Variants in IQCH observed in about 807,000 individuals in gnomAD.
IQCH encodes IQ motif containing H, also known as IQ domain-containing protein H.
IQCH carries 98 observed loss-of-function variants against 117.0 expected under a neutral mutation model. The observed-to-expected ratio is 0.84, with a 90% CI of 0.71 to 0.99. The LOEUF is 0.99. Ranked by LOEUF, IQCH falls within the 50% of genes least tolerant of loss-of-function variation. The probability of loss-of-function intolerance (pLI) is 0.00; values close to 1 mark genes in which losing one functional copy is unlikely to be tolerated. For missense variants in IQCH, 1,102 were observed against 1,243.8 expected, an observed-to-expected ratio of 0.89 and a Z score of 1.72; for synonymous variants, 412 against 448.2, an observed-to-expected ratio of 0.92 and a Z score of 1.02.
At position 67,475,826 on chromosome 15, in the gene IQCH, G is replaced by A. The variant is rs756521823; in HGVS notation, c.2799+8G>A. 1.2e-6 allele frequency: 2 copies of A among 1,613,222 alleles called. No individual in the cohort carries two copies. Among genetic ancestry groups the A allele is most frequent in the East Asian group, 2.2e-5 (1 of 44,876 alleles). On this transcript the variant is annotated splice_region_variant and intron_variant, in intron 18 of 20. Transcript: ENST00000335894. This position sits in a 1 kb window ranked among gnomAD's most constrained non-coding sequence, Gnocchi z 5.7. ...ATTGGCTATGATGTTGAGGTATGAA[G>A]GGTTACAGTTGGCCAGGGGCGGCCA...
intron 13 of IQCH, among the ~76,000 whole-genome samples, chr15:67,397,155 A>T (rs1971498135): frequency 6.6e-6 from 1 of 152,282 alleles, no homozygotes. Flanking sequence ...ACACACATGT[A>T]CTATACATTA....
rs1200145533 is a variant in IQCH, at chr15:67,376,285, A to T, written c.1372+2852A>T. Among the ~76,000 whole-genome samples, 1 of 152,212 alleles carries T rather than the reference A, an allele frequency of 6.6e-6. No homozygotes were observed. Among genetic ancestry groups the T allele is most frequent in the Non-Finnish European group, 1.5e-5 (1 of 68,036 alleles). ...TAGATGCCACAAACTTCTTTGTCTC[A>T]TGCACCAGGGACTTACCTATACAAT... On this transcript the variant is annotated intron_variant, in intron 10 of 20. Transcript: ENST00000335894. The surrounding 1 kb of genome is among the most constrained non-coding windows in gnomAD (Gnocchi z 5.0).
rs529347073 is a variant in IQCH at position 67,312,615 on chromosome 15, A to G, written c.388-24360A>G. On this transcript the variant is annotated intron_variant, in intron 4 of 20. Transcript: ENST00000335894. Reference sequence around the variant, plus strand: ...GAATTACATCTTCTTGAGTTAAAATATAAAATTTATGCTTTTGCCTAATTA... The same window carrying G: ...GAATTACATCTTCTTGAGTTAAAATGTAAAATTTATGCTTTTGCCTAATTA... Among the ~76,000 whole-genome samples the G allele has an allele frequency of 1.2e-4, 18 of 152,302 alleles. No individual in the cohort carries two copies. The East Asian group carries it at 2.7e-3, about 23-fold the overall frequency.
At chr15:67,414,403 C>T (rs528222749) in intron 14 of IQCH, among the ~76,000 whole-genome samples, 3 of 151,908 alleles carry the variant, frequency 2.0e-5, no homozygotes, top group Non-Finnish European at 4.4e-5. Flanking sequence ...GTGGCTGGAA[C>T]GACCTCAGGA....
chr15:67,440,528 G>C (rs1436118657), intron 16 of IQCH, among the ~76,000 whole-genome samples: 1 of 152,194 alleles, frequency 6.6e-6, no homozygotes, highest in Non-Finnish European at 1.5e-5. Context: ...CCATGATCAT[G>C]TGGGTTTTAT....
At chr15:67,258,184 A>G (rs1300656291) in intron 1 of IQCH, among the ~76,000 whole-genome samples, 1 of 150,226 alleles carries the variant, frequency 6.7e-6, no homozygotes, top group African/African-American at 2.5e-5. Context: ...GTGAGCCGAG[A>G]TTGCACCAGT....
chr15:67,492,360 G>A (rs867595810), intron 19 of IQCH, among the ~76,000 whole-genome samples: 18 of 152,280 alleles, frequency 1.2e-4, no homozygotes, highest in Admixed American at 9.8e-4. Context: ...GCTGGGACAC[G>A]ACTGGAACCA....
chr15:67,371,451 GA>G, intron 8 of IQCH: 2 of 1,518,028 alleles, frequency 1.3e-6, no homozygotes. Context: ...ATCCACCTGG[GA>G]CAGCCCCAGA....
intron 4 of IQCH, among the ~76,000 whole-genome samples, chr15:67,323,694 C>T (rs773325219): frequency 1.3e-5 from 2 of 152,108 alleles, no homozygotes; most frequent in East Asian, 1.9e-4. Context: ...TAATATTGCA[C>T]CAGTTCACAT....
chr15:67,275,566 A>G (rs188821240), intron 3 of IQCH, among the ~76,000 whole-genome samples: 1 of 152,180 alleles, frequency 6.6e-6, no homozygotes, highest in African/African-American at 2.4e-5. Context: ...ATTTTTCAAC[A>G]TATATGAAAA....
At chr15:67,339,646 T>A (rs1263067385) in intron 5 of IQCH, among the ~76,000 whole-genome samples, 1 of 152,164 alleles carries the variant, frequency 6.6e-6, no homozygotes, top group Non-Finnish European at 1.5e-5. Flanking sequence ...TAAAAGGATA[T>A]CCAGTGATCC....
At chr15:67,338,931 A>G (rs1969023184) in intron 5 of IQCH, among the ~76,000 whole-genome samples, 1 of 152,254 alleles carries the variant, frequency 6.6e-6, no homozygotes, top group Middle Eastern at 3.4e-3. Context: ...GGCCAAGCAC[A>G]TTTGCAGATC....
At chr15:67,435,869 T>TAAAAAAAAAA (rs78859437) in intron 16 of IQCH, among the ~76,000 whole-genome samples, 1 of 138,646 alleles carries the variant, frequency 7.2e-6, no homozygotes, top group Non-Finnish European at 1.6e-5. Context: ...AGACCCTGTC[T>TAAAAAAAAAA]AAAAAAAAAA....
Position 67,417,127 on chromosome 15 carries a change from C to A in IQCH, c.2218+76C>A. 7.8e-7 allele frequency: 1 copy of A among 1,276,624 alleles called. No homozygotes were observed. The highest frequency in any genetic ancestry group is 1.1e-6 in the Non-Finnish European group (1 of 942,818). 79.1% of individuals were successfully genotyped at this position (1,276,624 alleles called of 1,614,324 possible). A position where few individuals can be genotyped will look rare whatever the true frequency, so the allele number is the denominator to read the frequency against. On this transcript the variant is annotated intron_variant, in intron 15 of 20. Transcript: ENST00000335894. This position sits in a 1 kb window ranked among gnomAD's most constrained non-coding sequence, Gnocchi z 4.3. ...ATTCTAGTTTTGGGTCAACTGGGGCCAATTTAAATACTTTGCATCTCCTGT... is the reference window on the plus strand; with the variant it reads ...ATTCTAGTTTTGGGTCAACTGGGGCAAATTTAAATACTTTGCATCTCCTGT...
At chr15:67,455,546 T>C (rs934939255) in intron 16 of IQCH, among the ~76,000 whole-genome samples, 1 of 152,220 alleles carries the variant, frequency 6.6e-6, no homozygotes, top group Non-Finnish European at 1.5e-5. Context: ...AAAGGGGAAC[T>C]CTGCAGCCAA....
rs2083117570 is a variant in IQCH at position 67,473,242 on chromosome 15, AT to A, written c.2677-2453del. On this transcript the variant is annotated intron_variant, in intron 17 of 20. Coordinates refer to ENST00000335894, the MANE Select transcript of IQCH (RefSeq NM_001031715.3). This position sits in a 1 kb window ranked among gnomAD's most constrained non-coding sequence, Gnocchi z 4.9. ...AGTTCACTTCCATGTGCAAAAGCCC[AT>A]GCTTCTGGGCTTTTCAGTGTGAAGG... 1.3e-5 allele frequency among the ~76,000 whole-genome samples: 2 copies of A among 152,242 alleles called. No homozygotes were observed. Among genetic ancestry groups the A allele is most frequent in the South Asian group, 4.1e-4 (2 of 4,834 alleles).
At chr15:67,353,509 G>A (rs531535559) in intron 6 of IQCH, among the ~76,000 whole-genome samples, 371 of 151,974 alleles carry the variant, frequency 2.4e-3, no homozygotes, top group Non-Finnish European at 4.4e-3. Flanking sequence ...ACAGGTGCGC[G>A]CCACCACGCC....
At chr15:67,440,967 T>C (rs1202823065) in intron 16 of IQCH, among the ~76,000 whole-genome samples, 1 of 151,916 alleles carries the variant, frequency 6.6e-6, no homozygotes, top group Non-Finnish European at 1.5e-5. Flanking sequence ...TTGAAAACCC[T>C]AAGGACTCCT....
intron 10 of IQCH, chr15:67,373,671 G>T (rs1159522581): frequency 3.3e-6 from 2 of 603,992 alleles, no homozygotes; most frequent in Non-Finnish European, 5.8e-6. Context: ...GTGATTTGCT[G>T]TAATTCGCTT....
Sources: allele counts gnomAD v4.1 joint callset (sites outside exome capture counted in the v4.1 genomes callset), GRCh38; gene constraint gnomAD v4.1.1; non-coding constraint Gnocchi (gnomAD v3.1); transcripts MANE v1.5; gene names NCBI Gene and HGNC (gene_info 2026-07-23, HGNC 2026-07-21).